RNF213: variants seen among roughly 807,000 people sequenced by gnomAD.
The protein encoded by RNF213 is E3 ubiquitin-protein ligase RNF213.
In RNF213, 341 loss-of-function variants were observed where a neutral mutation model predicts 514.4. The observed-to-expected ratio is 0.66, with a 90% CI of 0.61 to 0.73. The LOEUF (loss-of-function observed/expected upper bound fraction) is 0.73, where lower values mean the gene tolerates loss of function less well. RNF213 is among the 30% of genes least tolerant of loss of function. RNF213 has a pLI of 0.00. For missense variants in RNF213, 5,767 were observed against 6,615.6 expected, an observed-to-expected ratio of 0.87 and a Z score of 4.45; for synonymous variants, 2,655 against 2,658.2, an observed-to-expected ratio of 1.00 and a Z score of 0.04.
At position 80,364,411 on chromosome 17, in the gene RNF213, GA is replaced by G; in HGVS notation, c.11751-21del. 1.2e-6 allele frequency: 2 copies of G among 1,613,916 alleles called. 1 individual carries two copies. Among genetic ancestry groups the G allele is most frequent in the South Asian group, 2.2e-5 (2 of 91,056 alleles). Reference sequence around the variant, plus strand: ...CTTGGTGGGAGCCGAGTGAGTGAGTGAGTGGCGCCCTCTTTTGACAGAGCCC... The same window carrying G: ...CTTGGTGGGAGCCGAGTGAGTGAGTGGTGGCGCCCTCTTTTGACAGAGCCC... On this transcript the variant is annotated intron_variant, in intron 41 of 67. Transcript: ENST00000582970.
intron 10 of RNF213, among the ~76,000 whole-genome samples, chr17:80,296,500 G>A (rs2044954815): frequency 1.3e-5 from 2 of 152,180 alleles, no homozygotes; most frequent in Non-Finnish European, 2.9e-5. Context: ...AACACAGTGT[G>A]ACTGTCCTGG....
At chr17:80,273,940 A>T (rs1359226320) in intron 3 of RNF213, among the ~76,000 whole-genome samples, 1 of 151,664 alleles carries the variant, frequency 6.6e-6, no homozygotes, top group Non-Finnish European at 1.5e-5. Context: ...TTTTCTTTCT[A>T]CCAGACCCAA....
chr17:80,391,534 C>A (rs1276378221), intron 67 of RNF213, among the ~76,000 whole-genome samples: 1 of 151,890 alleles, frequency 6.6e-6, no homozygotes, highest in East Asian at 1.9e-4. Flanking sequence ...GGCCACCACA[C>A]CCAGCCTAAA....
At chr17:80,318,762 A>AG (rs1455074896) in intron 16 of RNF213, among the ~76,000 whole-genome samples, 1 of 151,522 alleles carries the variant, frequency 6.6e-6, no homozygotes, top group Non-Finnish European at 1.5e-5. Flanking sequence ...TTTTGTAGAG[A>AG]CGGGGTTTCA....
intron 18 of RNF213, among the ~76,000 whole-genome samples, chr17:80,326,500 T>C (rs943300696): frequency 6.6e-6 from 1 of 152,200 alleles, no homozygotes; most frequent in African/African-American, 2.4e-5. Flanking sequence ...TCGTTCCTGG[T>C]GTTGTCCATT....
chr17:80,386,945 C>A (rs1379851265), intron 63 of RNF213, 54 bp downstream of exon 63: 25 of 1,521,714 alleles, frequency 1.6e-5, no homozygotes, highest in African/African-American at 2.7e-5. Flanking sequence ...TGTGAACAAG[C>A]AGCCCTTGGT....
chr17:80,329,181 C>G (rs965377574), intron 20 of RNF213, among the ~76,000 whole-genome samples: 15 of 152,356 alleles, frequency 9.8e-5, no homozygotes, highest in Admixed American at 4.6e-4. Context: ...CGCCCCCCTC[C>G]CCCGCTACTC....
Position 80,275,431 on chromosome 17 carries a change from G to T in RNF213, c.261+2027G>T, listed in dbSNP as rs970708493. On this transcript the variant is annotated intron_variant, in intron 3 of 67. Transcript: ENST00000582970. ...GCCATCTGGGGCAAACAATAAACCC[G>T]CCCAAAGACAGAGGAAAAGCTAAGA... 5.3e-5 allele frequency among the ~76,000 whole-genome samples: 8 copies of T among 152,052 alleles called. No individual in the cohort carries two copies. The East Asian group carries it at 7.7e-4, about 15-fold the overall frequency.
In RNF213 at chr17:80,377,788, G is replaced by A. The variant is rs148541222; in HGVS notation, c.13537G>A (p.Val4513Met). The change falls in exon 54 of 68, where the codon GTG becomes ATG. Residue 4513 changes from valine (V) to methionine (M), a missense_variant. Transcript: ENST00000582970. The surrounding 1 kb of genome is among the most constrained non-coding windows in gnomAD (Gnocchi z 4.1). ...YTCPNGHPCS[V>M]GECGRPMEQS... Reference sequence around the variant, plus strand: ...TTGTCCCAACGGCCATCCTTGCTCCGTGGGAGAGGTGAGTCTTGGTATTTA... The same window carrying A: ...TTGTCCCAACGGCCATCCTTGCTCCATGGGAGAGGTGAGTCTTGGTATTTA... 6.3e-5 allele frequency: 101 copies of A among 1,614,022 alleles called. No homozygotes were observed. The highest frequency in any genetic ancestry group is 7.2e-5 in the Non-Finnish European group (85 of 1,180,026).
chr17:80,372,869 C>A, intron 48 of RNF213, 106 bp from the exon 49 acceptor site: 1 of 1,375,124 alleles, frequency 7.3e-7, no homozygotes, highest in Non-Finnish European at 1.0e-6. Context: ...GGATGTGTTT[C>A]TGTGAATGCC....
intron 3 of RNF213, among the ~76,000 whole-genome samples, chr17:80,273,935 T>C (rs1477744936): frequency 6.6e-6 from 1 of 152,140 alleles, no homozygotes; most frequent in Non-Finnish European, 1.5e-5. Flanking sequence ...CTTCCTTTTC[T>C]TTCTACCAGA....
At chr17:80,365,694 A>G (rs2079238801) in intron 42 of RNF213, among the ~76,000 whole-genome samples, 1 of 152,148 alleles carries the variant, frequency 6.6e-6, no homozygotes, top group Non-Finnish European at 1.5e-5. Flanking sequence ...TGCTGAAGGA[A>G]AAGGCGGAGA....
In RNF213 at chr17:80,375,865, C is replaced by A; in HGVS notation, c.13180C>A (p.Pro4394Thr). Reference protein sequence around the residue: ...RSHNASLHPTPEQCEAVSKFI... With the variant: ...RSHNASLHPTTEQCEAVSKFI... ...CCACAATGCAAGCCTCCACCCCACG[C>A]CAGAGGTGAGTAACCGCCTGCAGGG... is the stretch of plus-strand genomic sequence containing the variant. Residue 4394 changes from proline to threonine, a missense_variant, in exon 51 of 68, where the codon CCA becomes ACA. Physicochemically the swap from Pro to Thr is conservative, Grantham distance 38. Coordinates refer to ENST00000582970, the MANE Select transcript of RNF213 (RefSeq NM_001256071.3). 3 of 1,607,036 alleles carry A rather than the reference C, an allele frequency of 1.9e-6. No homozygotes were observed. The South Asian group carries it at 3.3e-5, about 18-fold the overall frequency.
At chr17:80,383,622 CTGTT>C (rs1451179188) in intron 58 of RNF213, 51 bp from the exon 59 acceptor site, 26 of 1,597,174 alleles carry the variant, frequency 1.6e-5, no homozygotes, top group East Asian at 8.9e-5. Flanking sequence ...GTGTTACAAT[CTGTT>C]TGTAGCAATA....
chr17:80,385,266 G>C lies in RNF213; in HGVS notation c.14455+95G>C, dbSNP rs538806967. On this transcript the variant is annotated intron_variant, in intron 60 of 67. Coordinates refer to ENST00000582970, the MANE Select transcript of RNF213 (RefSeq NM_001256071.3). ...GAACAGGGTGGGGCGGAGGGGAGGAGGCGCTGATGGGTGCTCTATAGCCTA... is the reference window on the plus strand; with the variant it reads ...GAACAGGGTGGGGCGGAGGGGAGGACGCGCTGATGGGTGCTCTATAGCCTA... The C allele has an allele frequency of 1.1e-4, 158 of 1,435,870 alleles. No homozygotes were observed. The African/African-American group carries it at 1.8e-3, about 16-fold the overall frequency. The allele number at this position is 1,435,870 out of a possible 1,614,324, so 88.9% of individuals were successfully genotyped here. A position where few individuals can be genotyped will look rare whatever the true frequency, so the allele number is the denominator to read the frequency against.
In RNF213 at chr17:80,295,567, A is replaced by G; in HGVS notation, c.1766A>G (p.Tyr589Cys). The change falls in exon 10 of 68, where the codon TAC becomes TGC. Residue 589 changes from tyrosine (Y) to cysteine (C), a missense_variant. Physicochemically the swap from Tyr to Cys is radical, Grantham distance 194. Around this residue, in one of 13 missense-constraint regions of RNF213, gnomAD observed 592 missense variants for 673.9 expected, o/e 0.88. Coordinates refer to ENST00000582970, the MANE Select transcript of RNF213 (RefSeq NM_001256071.3). ...LQYREKEVKR[Y>C]LWQHLKKHVV... ...TTCTCCCACCATCAGGTGAAGAGAT[A>G]CCTGTGGCAACATCTGAAAAAACAC... The G allele has an allele frequency of 6.2e-7, 1 of 1,614,186 alleles. No homozygotes were observed. Among genetic ancestry groups the G allele is most frequent in the Non-Finnish European group, 8.5e-7 (1 of 1,180,034 alleles).
intron 11 of RNF213, among the ~76,000 whole-genome samples, chr17:80,301,906 T>G (rs1021707982): frequency 2.6e-5 from 4 of 152,152 alleles, no homozygotes; most frequent in African/African-American, 9.7e-5. Flanking sequence ...GATGAGTGGA[T>G]GAAGAAAGTG....
Position 80,385,117 on chromosome 17 carries a change from G to A in RNF213, c.14401G>A (p.Val4801Ile), listed in dbSNP as rs762540514. 8.7e-6 allele frequency: 14 copies of A among 1,614,066 alleles called. No individual in the cohort carries two copies. Among genetic ancestry groups the A allele is most frequent in the Non-Finnish European group, 1.1e-5 (13 of 1,180,020 alleles). Reference sequence around the variant, plus strand: ...GGATCTAGTGAAGCAGTTCCAGAACGTCCAGCAAGTTGAATACAGCTCCAT... The same window carrying A: ...GGATCTAGTGAAGCAGTTCCAGAACATCCAGCAAGTTGAATACAGCTCCAT... ...QRDLVKQFQN[V>I]QQVEYSSIRG... The change falls in exon 60 of 68, where the codon GTC (valine) becomes ATC (isoleucine). Residue 4801 changes from valine to isoleucine, a missense_variant. Around this residue, in one of 13 missense-constraint regions of RNF213, gnomAD observed 1,245 missense variants for 1,339.0 expected, o/e 0.93. Coordinates refer to ENST00000582970, the MANE Select transcript of RNF213 (RefSeq NM_001256071.3).
In RNF213 at chr17:80,343,764, C is replaced by T. The variant is rs1051494040; in HGVS notation, c.6184-93C>T. The T allele has an allele frequency of 9.2e-6, 12 of 1,303,700 alleles. No individual in the cohort carries two copies. The African/African-American group carries it at 1.0e-4, about 11-fold the overall frequency. The allele number at this position is 1,303,700 out of a possible 1,614,324, so 80.8% of individuals were successfully genotyped here. A position where few individuals can be genotyped will look rare whatever the true frequency, so the allele number is the denominator to read the frequency against. ...TGTTGATGTTGATCATCAGGATCAT[C>T]GTGACAAAGAGCAAAATAAGGAGGG... On this transcript the variant is annotated intron_variant, in intron 27 of 67. Coordinates refer to ENST00000582970, the MANE Select transcript of RNF213 (RefSeq NM_001256071.3). This position sits in a 1 kb window ranked among gnomAD's most constrained non-coding sequence, Gnocchi z 4.3.
Sources: gnomAD v4.1 joint callset for allele counts (sites outside exome capture counted in the v4.1 genomes callset) on GRCh38, gnomAD v4.1.1 for gene constraint, gnomAD v4.1.1 regional missense constraint, Gnocchi (gnomAD v3.1) non-coding constraint, MANE v1.5 for transcripts, NCBI Gene and HGNC (gene_info 2026-07-23, HGNC 2026-07-21) for gene names.